The following CSTF3 variants were observed in gnomAD, a reference collection of about 807,000 sequenced individuals.
The protein encoded by CSTF3 is cleavage stimulation factor subunit 3.
In CSTF3, 29 loss-of-function variants were observed where a neutral mutation model predicts 105.8. The observed-to-expected ratio is 0.27, with a 90% confidence interval of 0.20 to 0.37. The LOEUF (loss-of-function observed/expected upper bound fraction) is 0.37, where lower values mean the gene tolerates loss of function less well. Among genes scored for constraint, CSTF3 ranks in the 10% least tolerant of loss-of-function variants. The pLI, the probability that CSTF3 is intolerant of heterozygous loss-of-function variation, is 1.00. For synonymous variants in CSTF3, 252 were observed against 281.9 expected (o/e 0.89, Z 1.06); for missense variants, 357 against 879.3 (o/e 0.41, Z 7.51).
chr11:33,122,964 A>G (rs1855507976), intron 3 of CSTF3, among the ~76,000 whole-genome samples: 1 of 151,734 alleles, frequency 6.6e-6, no homozygotes, highest in Non-Finnish European at 1.5e-5. Context: ...AAAGTATGTA[A>G]AACAGGTCAG....
At chr11:33,103,034 C>A in intron 9 of CSTF3, 73 bp downstream of exon 9, 5 of 968,396 alleles carry the variant, frequency 5.2e-6, no homozygotes. Flanking sequence ...AAGAGTAATA[C>A]CAGACAGGGA....
chr11:33,133,196 T>C lies in CSTF3; in HGVS notation c.225+8471A>G, dbSNP rs190803475. 3.4e-3 allele frequency among the ~76,000 whole-genome samples: 517 copies of C among 152,248 alleles called. 5 individuals carry two copies. The highest frequency in any genetic ancestry group is 2.6e-3 in the Non-Finnish European group (179 of 67,994). On this transcript the variant is annotated intron_variant, in intron 3 of 20. Transcript: ENST00000323959. ...AACACAATAAAGTTTGAGTCATGAA[T>C]AGAATACCTGTTTCCACTCAATAAA... is the stretch of plus-strand genomic sequence containing the variant.
At chr11:33,122,878 G>GCA (rs1396330378) in intron 3 of CSTF3, among the ~76,000 whole-genome samples, 1 of 131,824 alleles carries the variant, frequency 7.6e-6, no homozygotes, top group Non-Finnish European at 1.5e-5. Context: ...ATCACACACT[G>GCA]CACTCCAGCC....
intron 3 of CSTF3, 186 bp downstream of exon 3, chr11:33,141,481 T>C (rs1429913081): frequency 1.4e-5 from 19 of 1,311,924 alleles, no homozygotes; most frequent in Non-Finnish European, 1.7e-5. Flanking sequence ...GCAACAATCA[T>C]CAGCTTGTAA....
chr11:33,092,220 G>GT, intron 16 of CSTF3, 51 bp downstream of exon 16: 1 of 1,302,046 alleles, frequency 7.7e-7, no homozygotes. Context: ...CACAATTCAG[G>GT]TAAGAAAGCT....
chr11:33,129,538 A>C (rs1479754768), intron 3 of CSTF3, among the ~76,000 whole-genome samples: 2 of 152,196 alleles, frequency 1.3e-5, no homozygotes, highest in African/African-American at 4.8e-5. Flanking sequence ...AAAGGTGTTA[A>C]TACTTTGGAC....
intron 3 of CSTF3, among the ~76,000 whole-genome samples, chr11:33,115,558 T>C (rs1322624533): frequency 1.3e-5 from 2 of 152,148 alleles, no homozygotes; most frequent in Non-Finnish European, 2.9e-5. Context: ...TTCATTTTTA[T>C]TTGACAAATA....
At chr11:33,108,289 A>G in intron 4 of CSTF3, 97 bp downstream of exon 4, 1 of 1,109,222 alleles carries the variant, frequency 9.0e-7, no homozygotes, top group Non-Finnish European at 1.2e-6. Context: ...ATCACTATCT[A>G]GATTCAATTA....
intron 3 of CSTF3, among the ~76,000 whole-genome samples, chr11:33,111,125 G>A (rs990671842): frequency 3.2e-4 from 48 of 152,166 alleles, no homozygotes; most frequent in African/African-American, 1.2e-3. Flanking sequence ...AGCTACTCGG[G>A]AGGCTGAGGC....
chr11:33,118,864 T>C (rs912538460), intron 3 of CSTF3, among the ~76,000 whole-genome samples: 1 of 151,848 alleles, frequency 6.6e-6, no homozygotes, highest in African/African-American at 2.4e-5. Context: ...CACATCAACT[T>C]ATAGTCTTTT....
intron 1 of CSTF3, among the ~76,000 whole-genome samples, chr11:33,156,551 A>T (rs1849868604): frequency 6.6e-6 from 1 of 152,208 alleles, no homozygotes; most frequent in Admixed American, 6.5e-5. Flanking sequence ...TATGAGCCTA[A>T]ATGCTCCTTT....
chr11:33,154,792 C>A (rs1849838855), intron 1 of CSTF3, among the ~76,000 whole-genome samples: 1 of 152,032 alleles, frequency 6.6e-6, no homozygotes, highest in African/African-American at 2.4e-5. Flanking sequence ...AGCCACGGTG[C>A]CGTGCTGAGA....
intron 15 of CSTF3, among the ~76,000 whole-genome samples, chr11:33,092,554 G>A (rs767694246): frequency 1.1e-4 from 17 of 152,108 alleles, no homozygotes; most frequent in Non-Finnish European, 5.9e-5. Flanking sequence ...AGCAGTAACT[G>A]CAAGCCATGT....
chr11:33,105,149 T>G (rs1426783267), intron 8 of CSTF3, among the ~76,000 whole-genome samples: 1 of 152,220 alleles, frequency 6.6e-6, no homozygotes, highest in Non-Finnish European at 1.5e-5. Context: ...AACACAAAGA[T>G]CTTGGATTGT....
At chr11:33,110,444 CTTCT>C (rs1565007554) in intron 3 of CSTF3, among the ~76,000 whole-genome samples, 1 of 152,216 alleles carries the variant, frequency 6.6e-6, no homozygotes, top group East Asian at 1.9e-4. Context: ...TACTGGGCCT[CTTCT>C]TTGAGATTCC....
chr11:33,085,304 C>T lies in CSTF3; in HGVS notation c.1952-15G>A. On this transcript the variant is annotated splice_polypyrimidine_tract_variant and intron_variant, in intron 20 of 20. Coordinates refer to ENST00000323959, the MANE Select transcript of CSTF3 (RefSeq NM_001326.3). ...TTCCTCAACAGCTATTAAAACAAAA[C>T]AACAAAACGTAAAAACATATTCCAC... 6.6e-7 allele frequency: 1 copy of T among 1,520,634 alleles called. No homozygotes were observed. Among genetic ancestry groups the T allele is most frequent in the South Asian group, 1.3e-5 (1 of 75,478 alleles). 94.2% of individuals were successfully genotyped at this position (1,520,634 alleles called of 1,614,324 possible).
In CSTF3 at chr11:33,111,284, T is replaced by C. The variant is rs372523178; in HGVS notation, c.226-2866A>G. Among the ~76,000 whole-genome samples the C allele has an allele frequency of 8.5e-5, 13 of 152,328 alleles. No homozygotes were observed. In the East Asian group the frequency reaches 2.1e-3, roughly 25 times the overall value. On this transcript the variant is annotated intron_variant, in intron 3 of 20. Coordinates refer to ENST00000323959, the MANE Select transcript of CSTF3 (RefSeq NM_001326.3). ...GAGGTAATTGTACAAGATTACTTAC[T>C]GTAAACTTTGTAGTAGCAAAAACAG...
At chr11:33,118,266 T>A (rs1685675864) in intron 3 of CSTF3, among the ~76,000 whole-genome samples, 1 of 151,922 alleles carries the variant, frequency 6.6e-6, no homozygotes, top group Non-Finnish European at 1.5e-5. Context: ...AAATGCTAGA[T>A]AAATTAGACA....
At chr11:33,142,260 T>C (rs1412237322) in intron 1 of CSTF3, among the ~76,000 whole-genome samples, 1 of 152,198 alleles carries the variant, frequency 6.6e-6, no homozygotes, top group Non-Finnish European at 1.5e-5. Context: ...CCTTTTTATT[T>C]ATCATTATTT....
Sources: gnomAD v4.1 joint callset for allele counts (sites outside exome capture counted in the v4.1 genomes callset) on GRCh38, gnomAD v4.1.1 for gene constraint, MANE v1.5 for transcripts, NCBI Gene and HGNC (gene_info 2026-07-23, HGNC 2026-07-21) for gene names.